SKI: variants seen among roughly 807,000 people sequenced by gnomAD.
SKI encodes SKI proto-oncogene.
In SKI, 23 loss-of-function variants were observed where a neutral mutation model predicts 59.3. The ratio of observed to expected loss-of-function variants is 0.39; its 90% CI spans 0.28 to 0.55. The LOEUF (loss-of-function observed/expected upper bound fraction) is 0.55. Ranked by LOEUF, SKI falls within the 20% of genes least tolerant of loss-of-function variation. SKI has a pLI of 0.67. For missense variants in SKI, 1,017 were observed against 1,038.9 expected (o/e 0.98, Z 0.29); for synonymous variants, 673 against 488.6 (o/e 1.38, Z -4.98).
intron 1 of SKI, among the ~76,000 whole-genome samples, chr1:2,237,810 G>A (rs1447893397): frequency 6.6e-6 from 1 of 152,238 alleles, no homozygotes; most frequent in African/African-American, 2.4e-5. Context: ...AGTCTGGCCG[G>A]GTGCTGAGCT....
At chr1:2,284,750 A>C (rs1439485825) in intron 1 of SKI, among the ~76,000 whole-genome samples, 1 of 151,986 alleles carries the variant, frequency 6.6e-6, no homozygotes, top group African/African-American at 2.4e-5. Flanking sequence ...AGAGTCAGGG[A>C]GGGGTGGATG....
In SKI at chr1:2,242,551, G is replaced by A. The variant is rs1403430478; in HGVS notation, c.969+12816G>A. 2.6e-5 allele frequency among the ~76,000 whole-genome samples: 4 copies of A among 152,162 alleles called. No individual in the cohort carries two copies. In the East Asian group the frequency reaches 7.7e-4, roughly 29 times the overall value. ...TTCTTATTTTTGGAGACAAGGTCTC[G>A]CTCTGTCATCTGTGTTGGAGTGCAG... On this transcript the variant is annotated intron_variant, in intron 1 of 6. Transcript: ENST00000378536.
chr1:2,242,031 G>A (rs563772065), intron 1 of SKI, among the ~76,000 whole-genome samples: 4 of 152,294 alleles, frequency 2.6e-5, no homozygotes, highest in Admixed American at 1.3e-4. Flanking sequence ...ACAGTCCCGC[G>A]TGCTGACCTG....
At chr1:2,282,620 T>C (rs1639918490) in intron 1 of SKI, among the ~76,000 whole-genome samples, 1 of 152,172 alleles carries the variant, frequency 6.6e-6, no homozygotes, top group South Asian at 2.1e-4. Flanking sequence ...TCCGAACCCA[T>C]GGAAAGCCTT....
At chr1:2,240,168 G>T (rs559988117) in intron 1 of SKI, among the ~76,000 whole-genome samples, 1 of 152,212 alleles carries the variant, frequency 6.6e-6, no homozygotes, top group Non-Finnish European at 1.5e-5. Flanking sequence ...CCGCAGGGTG[G>T]CCCCCACCAC....
intron 1 of SKI, among the ~76,000 whole-genome samples, chr1:2,277,997 G>A (rs1303345799): frequency 6.6e-6 from 1 of 152,100 alleles, no homozygotes; most frequent in Non-Finnish European, 1.5e-5. Flanking sequence ...ATACATGGAT[G>A]CACACATCAG....
At chr1:2,262,646 G>A (rs543782401) in intron 1 of SKI, among the ~76,000 whole-genome samples, 1 of 152,222 alleles carries the variant, frequency 6.6e-6, no homozygotes, top group Non-Finnish European at 1.5e-5. Flanking sequence ...GTTTTCGCCA[G>A]TGCCCTTTAT....
intron 1 of SKI, among the ~76,000 whole-genome samples, chr1:2,289,038 G>A (rs766919479): frequency 6.6e-6 from 1 of 152,210 alleles, no homozygotes; most frequent in Non-Finnish European, 1.5e-5. Context: ...TGTCAGTGTG[G>A]TCAGCTTGCT....
intron 1 of SKI, among the ~76,000 whole-genome samples, chr1:2,286,862 C>T (rs757908914): frequency 1.3e-5 from 2 of 152,252 alleles, no homozygotes; most frequent in South Asian, 2.1e-4. Flanking sequence ...TTGCATGTGG[C>T]GTGTGCCACC....
chr1:2,253,720 G>A (rs260510), intron 1 of SKI, among the ~76,000 whole-genome samples: 82,436 of 152,070 alleles, frequency 0.54, 22,821 homozygotes, highest in East Asian at 0.83. Context: ...CTGCCCACAG[G>A]GGCCCTGGGA....
rs1230829507 is a variant in SKI, at chr1:2,268,957, TC to T, written c.970-34020del. Among the ~76,000 whole-genome samples, 2 of 151,776 alleles carry T rather than the reference TC, an allele frequency of 1.3e-5. No individual in the cohort carries two copies. The highest frequency in any genetic ancestry group is 2.9e-5 in the Non-Finnish European group (2 of 67,958). ...TTTCCTTCTCTCCTTCTCTCCCTCT[TC>T]TTTTTTCGACAGGGTCTGGCTCTGG... is the stretch of plus-strand genomic sequence containing the variant. On this transcript the variant is annotated intron_variant, in intron 1 of 6. Coordinates refer to ENST00000378536, the MANE Select transcript of SKI (RefSeq NM_003036.4). This position sits in a 1 kb window ranked among gnomAD's most constrained non-coding sequence, Gnocchi z 5.0.
chr1:2,284,780 T>C (rs900994728), intron 1 of SKI, among the ~76,000 whole-genome samples: 2 of 152,182 alleles, frequency 1.3e-5, no homozygotes, highest in Admixed American at 6.5e-5. Flanking sequence ...GCTGTAAGAA[T>C]GACAGGTGGA....
rs558097634 is a variant in SKI, at chr1:2,285,936, C to T, written c.970-17042C>T. On this transcript the variant is annotated intron_variant, in intron 1 of 6. Coordinates refer to ENST00000378536, the MANE Select transcript of SKI (RefSeq NM_003036.4). ...TTGCCCAGGCTGGAGCACAGTGGCA[C>T]GATCTCGGCTCACTGCAAGCTCTGC... Among the ~76,000 whole-genome samples, 28 of 145,254 alleles carry T rather than the reference C, an allele frequency of 1.9e-4. No individual in the cohort carries two copies. The East Asian group carries it at 2.9e-3, about 15-fold the overall frequency.
chr1:2,254,076 A>G (rs900991927), intron 1 of SKI, among the ~76,000 whole-genome samples: 1 of 152,232 alleles, frequency 6.6e-6, no homozygotes, highest in Non-Finnish European at 1.5e-5. Flanking sequence ...CTTGCACAGA[A>G]GGCACCATTC....
At position 2,308,197 on chromosome 1, in the gene SKI, C is replaced by T. The variant is rs777267393; in HGVS notation, c.*1432C>T. 1 of 152,208 alleles carries T rather than the reference C, an allele frequency of 6.6e-6. No homozygotes were observed. Among genetic ancestry groups the T allele is most frequent in the Non-Finnish European group, 1.5e-5 (1 of 68,038 alleles). 9.4% of individuals were successfully genotyped at this position (152,208 alleles called of 1,614,324 possible). A position where few individuals can be genotyped will look rare whatever the true frequency, so the allele number is the denominator to read the frequency against. ...CAGGAGTTCTTTGCTTGAATCCGTT[C>T]TAACACCCGCGGCAGCTGCACGCGC... is the stretch of plus-strand genomic sequence containing the variant. On this transcript the variant is annotated 3_prime_UTR_variant, in exon 7 of 7. Transcript: ENST00000378536.
At chr1:2,259,242 G>T (rs1049461755) in intron 1 of SKI, among the ~76,000 whole-genome samples, 1 of 152,238 alleles carries the variant, frequency 6.6e-6, no homozygotes, top group African/African-American at 2.4e-5. Context: ...CAGAAAGGCT[G>T]AGTAGGTGCG....
chr1:2,261,355 A>C (rs1009136625), intron 1 of SKI, among the ~76,000 whole-genome samples: 3 of 152,254 alleles, frequency 2.0e-5, no homozygotes, highest in Admixed American at 6.5e-5. Context: ...TATTGAGTCC[A>C]TAGATAAATT....
At position 2,269,014 on chromosome 1, in the gene SKI, C is replaced by G. The variant is rs1639558768; in HGVS notation, c.970-33964C>G. Among the ~76,000 whole-genome samples, 1 of 152,112 alleles carries G rather than the reference C, an allele frequency of 6.6e-6. No individual in the cohort carries two copies. Among genetic ancestry groups the G allele is most frequent in the Admixed American group, 6.5e-5 (1 of 15,268 alleles). ...TCACCCAGGCTGGAGTGCAGCAGCA[C>G]AGTCTTGCGGCCTCAACCTTGTTGG... On this transcript the variant is annotated intron_variant, in intron 1 of 6. Transcript: ENST00000378536. The surrounding 1 kb of genome is among the most constrained non-coding windows in gnomAD (Gnocchi z 4.7).
intron 1 of SKI, among the ~76,000 whole-genome samples, chr1:2,253,116 G>T (rs1277582361): frequency 2.0e-5 from 3 of 150,382 alleles, no homozygotes; most frequent in Admixed American, 6.6e-5. Context: ...AAAAAATAGA[G>T]TTGCTAAATT....
Sources: allele counts gnomAD v4.1 joint callset (sites outside exome capture counted in the v4.1 genomes callset), GRCh38; gene constraint gnomAD v4.1.1; non-coding constraint Gnocchi (gnomAD v3.1); transcripts MANE v1.5; gene names NCBI Gene and HGNC (gene_info 2026-07-23, HGNC 2026-07-21).